Variants in KCNQ1 observed in about 807,000 individuals in gnomAD.
KCNQ1 encodes potassium voltage-gated channel subfamily Q member 1, also known as potassium voltage-gated channel subfamily KQT member 1.
KCNQ1 carries 49 observed loss-of-function variants against 72.4 expected under a neutral mutation model. The ratio of observed to expected loss-of-function variants is 0.68; its 90% CI spans 0.54 to 0.86. The LOEUF is 0.86. Among genes scored for constraint, KCNQ1 ranks in the 40% least tolerant of loss-of-function variants. The pLI, the probability that KCNQ1 is intolerant of heterozygous loss-of-function variation, is 0.00. For synonymous variants in KCNQ1, 450 were observed against 412.6 expected, an observed-to-expected ratio of 1.09 and a Z score of -1.10; for missense variants, 790 against 945.1, an observed-to-expected ratio of 0.84 and a Z score of 2.15.
In KCNQ1 at chr11:2,446,207, A is replaced by G. The variant is rs979110979; in HGVS notation, c.386+723A>G. ...AATTCCCGGTACAGCGTGCCTGAGC[A>G]GGGCTGGGCACTGGATTTCTCAGGG... On this transcript the variant is annotated intron_variant, in intron 1 of 15. Coordinates refer to ENST00000155840, the MANE Select transcript of KCNQ1 (RefSeq NM_000218.3). The surrounding 1 kb of genome is among the most constrained non-coding windows in gnomAD (Gnocchi z 8.8). 2.6e-5 allele frequency among the ~76,000 whole-genome samples: 4 copies of G among 152,116 alleles called. No homozygotes were observed. The highest frequency in any genetic ancestry group is 1.3e-4 in the Admixed American group (2 of 15,284).
Position 2,661,536 on chromosome 11 carries a change from C to T in KCNQ1, c.1394-425C>T. ...GTCCTATCACCCCATCTTTCCTGAC[C>T]CACTACTCTGTCAATGTATGAGTGT... On this transcript the variant is annotated intron_variant, in intron 10 of 15. Transcript: ENST00000155840. This position sits in a 1 kb window ranked among gnomAD's most constrained non-coding sequence, Gnocchi z 5.9. The T allele has an allele frequency of 2.0e-6, 1 of 498,212 alleles. No individual in the cohort carries two copies. The highest frequency in any genetic ancestry group is 3.0e-5 in the East Asian group (1 of 33,310). 30.9% of individuals were successfully genotyped at this position (498,212 alleles called of 1,614,324 possible). A position where few individuals can be genotyped will look rare whatever the true frequency, so the allele number is the denominator to read the frequency against.
intron 11 of KCNQ1, among the ~76,000 whole-genome samples, chr11:2,714,591 G>T (rs537769282): frequency 6.6e-6 from 1 of 152,190 alleles, no homozygotes; most frequent in African/African-American, 2.4e-5. Flanking sequence ...TATGGGGTGT[G>T]GGGGGCGAGG....
intron 15 of KCNQ1, among the ~76,000 whole-genome samples, chr11:2,825,146 G>A (rs1207084791): frequency 6.6e-6 from 1 of 152,170 alleles, no homozygotes; most frequent in Admixed American, 6.5e-5. Flanking sequence ...AGAGAGTCCA[G>A]AGAACATGGG....
rs962199389 is a variant in KCNQ1 at position 2,847,823 on chromosome 11, C to T, written c.1851C>T (p.Leu617=). The T allele has an allele frequency of 2.6e-6, 4 of 1,568,266 alleles. No homozygotes were observed. Among genetic ancestry groups the T allele is most frequent in the South Asian group, 1.2e-5 (1 of 85,406 alleles). The stretch of plus-strand genomic sequence containing the variant: ...TCACCGACATGCTTCACCAGCTGCT[C>T]TCCTTGCACGGTGGCAGCACCCCCG... ...ALITDMLHQL[L]SLHGGSTPGS... Residue 617 remains leucine (L), a synonymous_variant, in exon 16 of 16, where the codon CTC becomes CTT. Transcript: ENST00000155840.
intron 10 of KCNQ1, chr11:2,648,566 G>T (rs1849703184): frequency 2.5e-6 from 1 of 398,328 alleles, no homozygotes; most frequent in Non-Finnish European, 4.4e-6. Flanking sequence ...TGATTTCCGT[G>T]TATCTGTTCA....
intron 11 of KCNQ1, among the ~76,000 whole-genome samples, chr11:2,708,110 C>T (rs2283200): frequency 0.078 from 11,867 of 152,286 alleles, 532 homozygotes; most frequent in East Asian, 0.14. Context: ...CAGGAGACCA[C>T]GCTCATGAAT....
intron 15 of KCNQ1, among the ~76,000 whole-genome samples, chr11:2,806,409 G>A (rs1847374908): frequency 6.6e-6 from 1 of 152,190 alleles, no homozygotes; most frequent in African/African-American, 2.4e-5. Flanking sequence ...CCTGCCTGGG[G>A]CCACATGGGC....
At chr11:2,770,872 G>C (rs1451121129) in intron 12 of KCNQ1, among the ~76,000 whole-genome samples, 1 of 152,232 alleles carries the variant, frequency 6.6e-6, no homozygotes, top group Non-Finnish European at 1.5e-5. Flanking sequence ...TGCTCTCCCA[G>C]ACAGGGAAGG....
rs1053390115 is a variant in KCNQ1, at chr11:2,647,535, C to T, written c.1394-14426C>T. 1 of 398,388 alleles carries T rather than the reference C, an allele frequency of 2.5e-6. No homozygotes were observed. Among genetic ancestry groups the T allele is most frequent in the African/African-American group, 2.1e-5 (1 of 48,582 alleles). The allele number at this position is 398,388 out of a possible 1,614,324, so 24.7% of individuals were successfully genotyped here. ...CTCACAGAATGAGTTAGGGAGAATT[C>T]CTTTCTCTTCAGTCTTTTGGAATTG... On this transcript the variant is annotated intron_variant, in intron 10 of 15. Transcript: ENST00000155840. This position sits in a 1 kb window ranked among gnomAD's most constrained non-coding sequence, Gnocchi z 4.0.
chr11:2,685,030 G>A lies in KCNQ1; in HGVS notation c.1514+22949G>A, dbSNP rs1590031008. The A allele has an allele frequency of 7.5e-6, 3 of 398,628 alleles. No homozygotes were observed. The East Asian group carries it at 1.1e-4, about 14-fold the overall frequency. 24.7% of individuals were successfully genotyped at this position (398,628 alleles called of 1,614,324 possible). The stretch of plus-strand genomic sequence containing the variant: ...TCTTCTTGCCATCCCTGTCTCATGG[G>A]TGAGCACATTTCCTGGATTTAAAAT... On this transcript the variant is annotated intron_variant, in intron 11 of 15. Coordinates refer to ENST00000155840, the MANE Select transcript of KCNQ1 (RefSeq NM_000218.3).
At chr11:2,532,433 C>T (rs936631641) in intron 2 of KCNQ1, among the ~76,000 whole-genome samples, 1 of 152,238 alleles carries the variant, frequency 6.6e-6, no homozygotes, top group Non-Finnish European at 1.5e-5. Flanking sequence ...GAAGCACTGG[C>T]CGCGTGGAAA....
chr11:2,725,704 G>A lies in KCNQ1; in HGVS notation c.1515-43140G>A, dbSNP rs1187921432. On this transcript the variant is annotated intron_variant, in intron 11 of 15. Coordinates refer to ENST00000155840, the MANE Select transcript of KCNQ1 (RefSeq NM_000218.3). The surrounding 1 kb of genome is among the most constrained non-coding windows in gnomAD (Gnocchi z 7.2). Reference sequence around the variant, plus strand: ...AGGCTGTGCACTCCAGCCGAGGGCAGCCTGGGGAAGGTACGAGAGATCACT... The same window carrying A: ...AGGCTGTGCACTCCAGCCGAGGGCAACCTGGGGAAGGTACGAGAGATCACT... Among the ~76,000 whole-genome samples, 1 of 152,176 alleles carries A rather than the reference G, an allele frequency of 6.6e-6. No individual in the cohort carries two copies. The highest frequency in any genetic ancestry group is 1.5e-5 in the Non-Finnish European group (1 of 68,032).
rs1850515081 is a variant in KCNQ1, at chr11:2,687,711, C to G, written c.1514+25630C>G. ...TTCAGTGTTGGAATGGGTCTGGGCC[C>G]AGATTTCAAGCCAGTAACCAGCAAA... On this transcript the variant is annotated intron_variant, in intron 11 of 15. Transcript: ENST00000155840. This position sits in a 1 kb window ranked among gnomAD's most constrained non-coding sequence, Gnocchi z 5.0. 1 of 398,602 alleles carries G rather than the reference C, an allele frequency of 2.5e-6. No homozygotes were observed. Among genetic ancestry groups the G allele is most frequent in the South Asian group, 1.3e-4 (1 of 7,870 alleles). The allele number at this position is 398,602 out of a possible 1,614,324, so 24.7% of individuals were successfully genotyped here. A position where few individuals can be genotyped will look rare whatever the true frequency, so the allele number is the denominator to read the frequency against.
At chr11:2,633,149 C>G (rs1849390941) in intron 10 of KCNQ1, 1 of 398,382 alleles carries the variant, frequency 2.5e-6, no homozygotes, top group Non-Finnish European at 4.4e-6. Context: ...CTTTGACTTG[C>G]ATTTCTGTGA....
intron 11 of KCNQ1, among the ~76,000 whole-genome samples, chr11:2,753,681 C>G (rs1417830935): frequency 6.6e-6 from 1 of 152,206 alleles, no homozygotes; most frequent in African/African-American, 2.4e-5. Context: ...TCCCTTGCAT[C>G]CCAGGTACAA....
chr11:2,610,995 T>C, intron 10 of KCNQ1: 2 of 398,486 alleles, frequency 5.0e-6, no homozygotes, highest in Non-Finnish European at 8.8e-6. Flanking sequence ...ATTGTTGAGT[T>C]GTCTATTATT....
intron 10 of KCNQ1, chr11:2,644,844 T>A (rs1849642159): frequency 2.5e-6 from 1 of 398,588 alleles, no homozygotes; most frequent in African/African-American, 2.1e-5. Context: ...GGAGTTCCTC[T>A]GTAGTTTAGG....
chr11:2,670,776 C>G lies in KCNQ1; in HGVS notation c.1514+8695C>G, dbSNP rs1486507617. On this transcript the variant is annotated intron_variant, in intron 11 of 15. Transcript: ENST00000155840. This position sits in a 1 kb window ranked among gnomAD's most constrained non-coding sequence, Gnocchi z 4.9. ...GGCCAGTGGCTCTTGTGGCTGCCCTCTGCAATAAGAATTCTTCAAGTTCAG... is the reference window on the plus strand; with the variant it reads ...GGCCAGTGGCTCTTGTGGCTGCCCTGTGCAATAAGAATTCTTCAAGTTCAG... The G allele has an allele frequency of 7.5e-6, 3 of 398,624 alleles. No individual in the cohort carries two copies. The highest frequency in any genetic ancestry group is 1.3e-5 in the Non-Finnish European group (3 of 226,090). The allele number at this position is 398,624 out of a possible 1,614,324, so 24.7% of individuals were successfully genotyped here. A position where few individuals can be genotyped will look rare whatever the true frequency, so the allele number is the denominator to read the frequency against.
At chr11:2,496,494 G>GTTTTT (rs1184873196) in intron 1 of KCNQ1, among the ~76,000 whole-genome samples, 1 of 19,918 alleles carries the variant, frequency 5.0e-5, no homozygotes, top group Non-Finnish European at 1.0e-4. Context: ...CACAACCCCT[G>GTTTTT]CTTTTTTTTT....
Sources: gnomAD v4.1 joint callset for allele counts (sites outside exome capture counted in the v4.1 genomes callset) on GRCh38, gnomAD v4.1.1 for gene constraint, Gnocchi (gnomAD v3.1) non-coding constraint, MANE v1.5 for transcripts, NCBI Gene and HGNC (gene_info 2026-07-23, HGNC 2026-07-21) for gene names.